RMST: variants seen among roughly 807,000 people sequenced by gnomAD.
RMST encodes long intergenic non-protein coding RNA 54.
At chr12:97,532,746 A>G (rs918678281) in intron 11 of RMST, 9 of 150,318 alleles carry the variant, frequency 6.0e-5, no homozygotes, top group Non-Finnish European at 8.9e-5. Flanking sequence ...TTTTGGTAAA[A>G]TGTGCTAATG....
intron 10 of RMST, among the ~76,000 whole-genome samples, chr12:97,525,512 A>G (rs1026981527): frequency 3.3e-5 from 5 of 152,202 alleles, no homozygotes; most frequent in African/African-American, 4.8e-5. Context: ...AGCTACATAT[A>G]TAACATAAAT....
intron 11 of RMST, among the ~76,000 whole-genome samples, chr12:97,542,890 T>C (rs902369886): frequency 6.6e-6 from 1 of 151,974 alleles, no homozygotes; most frequent in African/African-American, 2.4e-5. Context: ...CCTTTATGCT[T>C]AGTCTCAGCT....
intron 11 of RMST, among the ~76,000 whole-genome samples, chr12:97,539,766 G>A (rs1028854943): frequency 1.3e-5 from 2 of 151,608 alleles, no homozygotes; most frequent in African/African-American, 4.8e-5. Flanking sequence ...CCAGGGTTAT[G>A]AAATTTTATC....
chr12:97,491,797 C>A, intron 5 of RMST: 1 of 401,622 alleles, frequency 2.5e-6, no homozygotes, highest in East Asian at 6.4e-5. Context: ...GAACAACAAT[C>A]GTGTCATGGC....
chr12:97,550,198 G>T (rs912270517), intron 11 of RMST, among the ~76,000 whole-genome samples: 1 of 151,904 alleles, frequency 6.6e-6, no homozygotes, highest in Non-Finnish European at 1.5e-5. Flanking sequence ...TCGAGACCAG[G>T]CTGACCAACA....
At chr12:97,547,036 G>A (rs1882987396) in intron 11 of RMST, among the ~76,000 whole-genome samples, 1 of 151,236 alleles carries the variant, frequency 6.6e-6, no homozygotes, top group Non-Finnish European at 1.5e-5. Flanking sequence ...ATATAAGTGA[G>A]ATCACACAGT....
intron 5 of RMST, among the ~76,000 whole-genome samples, chr12:97,492,278 A>T (rs1269661512): frequency 6.6e-6 from 1 of 152,156 alleles, no homozygotes; most frequent in African/African-American, 2.4e-5. Flanking sequence ...TTAACACTAA[A>T]CCTGCCAGAG....
At chr12:97,527,506 A>G (rs1881229022) in intron 10 of RMST, among the ~76,000 whole-genome samples, 1 of 152,224 alleles carries the variant, frequency 6.6e-6, no homozygotes, top group South Asian at 2.1e-4. Context: ...AGTGCCCCAC[A>G]TTAGAAAATA....
Position 97,520,298 on chromosome 12 carries a change from A to C in RMST, n.1341-10357A>C, listed in dbSNP as rs145345748. Among the ~76,000 whole-genome samples the C allele has an allele frequency of 2.8e-3, 428 of 152,278 alleles. 2 individuals carry two copies. Among genetic ancestry groups the C allele is most frequent in the African/African-American group, 9.8e-3 (406 of 41,556 alleles). Reference sequence around the variant, plus strand: ...AGTGTCGCAGTGGGGCTTCCCTCCCATGCCTCTGCAGGAGACAGCTCATCT... The same window carrying C: ...AGTGTCGCAGTGGGGCTTCCCTCCCCTGCCTCTGCAGGAGACAGCTCATCT... On this transcript the variant is annotated intron_variant and non_coding_transcript_variant, in intron 10 of 13. Transcript: ENST00000640149.
intron 5 of RMST, among the ~76,000 whole-genome samples, chr12:97,480,693 T>A (rs1477993166): frequency 6.6e-6 from 1 of 152,214 alleles, no homozygotes; most frequent in Non-Finnish European, 1.5e-5. Context: ...TCTAACAATT[T>A]CCTGTCTTGC....
intron 4 of RMST, among the ~76,000 whole-genome samples, chr12:97,464,333 G>A (rs975188673): frequency 6.6e-6 from 1 of 152,144 alleles, no homozygotes; most frequent in Non-Finnish European, 1.5e-5. Flanking sequence ...TTGTTTAAAT[G>A]AGGGGGACCG....
intron 5 of RMST, among the ~76,000 whole-genome samples, chr12:97,469,178 GTGTATGTGTGTA>G (rs1322652426): frequency 1.3e-3 from 167 of 132,144 alleles, no homozygotes; most frequent in African/African-American, 4.2e-3. Context: ...GTGTGTGTGT[GTGTATGTGTGTA>G]TATATATACA....
chr12:97,526,902 G>A (rs530013749), intron 10 of RMST, among the ~76,000 whole-genome samples: 1 of 152,094 alleles, frequency 6.6e-6, no homozygotes, highest in Non-Finnish European at 1.5e-5. Context: ...ACATGTGTTA[G>A]TCACAGTCTT....
chr12:97,522,837 C>A (rs907826240), intron 10 of RMST, among the ~76,000 whole-genome samples: 1 of 152,064 alleles, frequency 6.6e-6, no homozygotes, highest in African/African-American at 2.4e-5. Flanking sequence ...AACAAAACAT[C>A]GAGTGAGATC....
chr12:97,557,552 C>T lies in RMST; in HGVS notation n.1546-2985C>T, dbSNP rs117749111. On this transcript the variant is annotated intron_variant and non_coding_transcript_variant, in intron 11 of 13. Transcript: ENST00000640149. ...TTAGCTGATTGCTCTAATTATTACA[C>T]GTTTAGTGCCTCCTCTTTCCCATTT... Among the ~76,000 whole-genome samples, 92 of 152,274 alleles carry T rather than the reference C, an allele frequency of 6.0e-4. 2 individuals carry two copies. The East Asian group carries it at 0.014, about 23-fold the overall frequency.
intron 5 of RMST, among the ~76,000 whole-genome samples, chr12:97,489,926 T>C (rs1283306203): frequency 6.6e-6 from 1 of 152,158 alleles, no homozygotes; most frequent in African/African-American, 2.4e-5. Context: ...TAAAACAACT[T>C]GTCTAACTTG....
At chr12:97,498,183 A>G (rs1050079012) in intron 10 of RMST, among the ~76,000 whole-genome samples, 2 of 150,456 alleles carry the variant, frequency 1.3e-5, no homozygotes, top group Non-Finnish European at 2.9e-5. Context: ...CTGTTAGATT[A>G]TTTTACTATT....
chr12:97,531,961 T>C (rs1189537055), intron 11 of RMST, among the ~76,000 whole-genome samples: 1 of 151,988 alleles, frequency 6.6e-6, no homozygotes, highest in East Asian at 1.9e-4. Flanking sequence ...AATATATTCA[T>C]TTTAAAATTT....
At chr12:97,555,920 T>G (rs1026156364) in intron 11 of RMST, among the ~76,000 whole-genome samples, 1 of 152,214 alleles carries the variant, frequency 6.6e-6, no homozygotes. Flanking sequence ...CTCTAACTTA[T>G]CTATTCTTTG....
Sources: allele counts gnomAD v4.1 joint callset (sites outside exome capture counted in the v4.1 genomes callset), GRCh38; gene constraint gnomAD v4.1.1; transcripts MANE v1.5; gene names NCBI Gene and HGNC (gene_info 2026-07-23, HGNC 2026-07-21).